Variants in MED12L observed in about 807,000 individuals in gnomAD.
The protein encoded by MED12L is mediator of RNA polymerase II transcription subunit 12-like protein.
Under a neutral mutation model 281.3 loss-of-function variants are expected in MED12L, and 60 were observed. The ratio of observed to expected loss-of-function variants is 0.21; its 90% CI spans 0.17 to 0.26. MED12L has a LOEUF of 0.26. Ranked by LOEUF, MED12L falls within the 10% of genes least tolerant of loss-of-function variation. The probability of loss-of-function intolerance (pLI) is 1.00; values close to 1 mark genes in which losing one functional copy is unlikely to be tolerated. For synonymous variants in MED12L, 974 were observed against 987.2 expected (o/e 0.99, Z 0.25); for missense variants, 2,146 against 2,680.9 (o/e 0.80, Z 4.41).
rs766967153 is a variant in MED12L at position 151,411,447 on chromosome 3, C to T, written c.6080C>T (p.Pro2027Leu). 3.7e-6 allele frequency: 6 copies of T among 1,614,044 alleles called. No individual in the cohort carries two copies. Among genetic ancestry groups the T allele is most frequent in the Admixed American group, 1.7e-5 (1 of 59,996 alleles). ...MERLRQIQQQ[P>L]SGYVQQQASP... ...AGACTCAGACAGATTCAGCAGCAGC[C>T]GAGTGGCTATGTTCAGCAGCAGGCC... The change falls in exon 41 of 45, where the codon CCG becomes CTG. Residue 2027 changes from proline (P) to leucine (L), a missense_variant. Physicochemically the swap from Pro to Leu is moderately conservative, Grantham distance 98. Around this residue, in one of 9 missense-constraint regions of MED12L, gnomAD observed 496 missense variants for 512.0 expected, o/e 0.97. Transcript: ENST00000687756.
At chr3:151,397,607 G>A (rs2108274353) in intron 39 of MED12L, among the ~76,000 whole-genome samples, 1 of 152,228 alleles carries the variant, frequency 6.6e-6, no homozygotes, top group Middle Eastern at 3.4e-3. Context: ...AGAATTATAT[G>A]GAATGTAAGC....
rs1559884589 is a variant in MED12L at position 151,213,423 on chromosome 3, T to C, written c.2250+19757T>C. On this transcript the variant is annotated intron_variant, in intron 16 of 44. Coordinates refer to ENST00000687756, the MANE Select transcript of MED12L (RefSeq NM_001393769.1). The stretch of plus-strand genomic sequence containing the variant: ...ATAAGATTTCCCTAAACGGCTGGCA[T>C]AGAAAGAAATAAATAATAGGGTCCA... 8.7e-6 allele frequency: 14 copies of C among 1,614,158 alleles called. No individual in the cohort carries two copies. In the Middle Eastern group the frequency reaches 4.9e-4, roughly 57 times the overall value.
intron 12 of MED12L, 178 bp from the exon 13 acceptor site, chr3:151,188,176 C>T: frequency 2.2e-6 from 1 of 461,676 alleles, no homozygotes; most frequent in South Asian, 3.6e-5. Flanking sequence ...CTGGTTAGTA[C>T]TTGGATGGAG....
intron 16 of MED12L, among the ~76,000 whole-genome samples, chr3:151,258,422 T>TA (rs879809840): frequency 2.0e-5 from 3 of 152,176 alleles, no homozygotes; most frequent in South Asian, 2.1e-4. Context: ...AAGAATAAAA[T>TA]AAAAAGACTG....
chr3:151,294,485 AT>A, intron 16 of MED12L: 1 of 1,614,214 alleles, frequency 6.2e-7, no homozygotes, highest in Non-Finnish European at 8.5e-7. Flanking sequence ...AACAACCCTG[AT>A]GCTCTGGTTA....
At chr3:151,103,707 G>C (rs2079764009) in intron 2 of MED12L, among the ~76,000 whole-genome samples, 1 of 152,184 alleles carries the variant, frequency 6.6e-6, no homozygotes, top group Non-Finnish European at 1.5e-5. Flanking sequence ...CTTTACAGTA[G>C]ACATGTGAGG....
At chr3:151,105,088 C>A (rs1721838784) in intron 2 of MED12L, among the ~76,000 whole-genome samples, 1 of 152,206 alleles carries the variant, frequency 6.6e-6, no homozygotes, top group South Asian at 2.1e-4. Context: ...GCTCCAGGGG[C>A]TGTCTCCAGA....
rs1317917642 is a variant in MED12L at position 151,327,392 on chromosome 3, C to G, written c.2251-22667C>G. On this transcript the variant is annotated intron_variant, in intron 16 of 44. Coordinates refer to ENST00000687756, the MANE Select transcript of MED12L (RefSeq NM_001393769.1). ...AAGTGGCTTAATAATGGTGCTTGTG[C>G]CTCCTATGGTATATTATTGTAATGT... is the stretch of plus-strand genomic sequence containing the variant. 23 of 152,120 alleles carry G rather than the reference C, an allele frequency of 1.5e-4. 1 individual carries two copies. The highest frequency in any genetic ancestry group is 1.5e-3 in the Admixed American group (23 of 15,264). 9.4% of individuals were successfully genotyped at this position (152,120 alleles called of 1,614,324 possible).
chr3:151,331,770 A>G (rs1487975259), intron 16 of MED12L, among the ~76,000 whole-genome samples: 1 of 152,182 alleles, frequency 6.6e-6, no homozygotes, highest in South Asian at 2.1e-4. Flanking sequence ...TTAAGTGATT[A>G]TATTATCTTA....
chr3:151,303,814 G>A (rs1250498038), intron 16 of MED12L, among the ~76,000 whole-genome samples: 3 of 152,136 alleles, frequency 2.0e-5, no homozygotes, highest in Non-Finnish European at 4.4e-5. Flanking sequence ...AGTGAGAATA[G>A]CAGAGAGCTA....
intron 38 of MED12L, among the ~76,000 whole-genome samples, chr3:151,393,504 CAA>C (rs1460178874): frequency 6.6e-6 from 1 of 150,698 alleles, no homozygotes; most frequent in Non-Finnish European, 1.5e-5. Context: ...TGCTCCCCCA[CAA>C]CCCCCCCTCC....
chr3:151,392,391 A>G (rs1362108073), intron 38 of MED12L, among the ~76,000 whole-genome samples: 1 of 148,616 alleles, frequency 6.7e-6, no homozygotes, highest in Non-Finnish European at 1.5e-5. Context: ...ACTTGAACCT[A>G]GGAGGCAAAG....
chr3:151,283,944 G>A (rs1408392160), intron 16 of MED12L, among the ~76,000 whole-genome samples: 3 of 152,166 alleles, frequency 2.0e-5, no homozygotes, highest in Non-Finnish European at 4.4e-5. Flanking sequence ...CTAAGAGGAT[G>A]ACACGCCGCT....
At chr3:151,354,203 C>T (rs1326414893) in intron 17 of MED12L, among the ~76,000 whole-genome samples, 1 of 148,208 alleles carries the variant, frequency 6.7e-6, no homozygotes, top group East Asian at 2.0e-4. Context: ...AATCATATAT[C>T]CAACTTTTCC....
At chr3:151,224,842 C>T (rs1182430329) in intron 16 of MED12L, among the ~76,000 whole-genome samples, 1 of 152,140 alleles carries the variant, frequency 6.6e-6, no homozygotes, top group Non-Finnish European at 1.5e-5. Context: ...TTGAAATCTG[C>T]TGTTTATATA....
intron 41 of MED12L, among the ~76,000 whole-genome samples, chr3:151,412,775 G>A (rs113855457): frequency 2.0e-5 from 3 of 152,270 alleles, no homozygotes; most frequent in Admixed American, 6.5e-5. Flanking sequence ...TAGGGATAAC[G>A]AAACTGCTGA....
intron 40 of MED12L, 131 bp downstream of exon 40, chr3:151,409,463 T>C: frequency 1.4e-6 from 1 of 737,702 alleles, no homozygotes; most frequent in East Asian, 2.8e-5. Context: ...ACTTATAGAT[T>C]ATAATTGATA....
chr3:151,250,416 C>T (rs1736610474), intron 16 of MED12L, among the ~76,000 whole-genome samples: 2 of 152,150 alleles, frequency 1.3e-5, no homozygotes, highest in African/African-American at 4.8e-5. Context: ...AATTCTGTAC[C>T]CATTAAATAA....
At chr3:151,258,493 G>A (rs1738248076) in intron 16 of MED12L, among the ~76,000 whole-genome samples, 1 of 152,138 alleles carries the variant, frequency 6.6e-6, no homozygotes, top group African/African-American at 2.4e-5. Flanking sequence ...CCTTGCAACA[G>A]AACAATGAGA....
Sources: gnomAD v4.1 joint callset for allele counts (sites outside exome capture counted in the v4.1 genomes callset) on GRCh38, gnomAD v4.1.1 for gene constraint, gnomAD v4.1.1 regional missense constraint, MANE v1.5 for transcripts, NCBI Gene and HGNC (gene_info 2026-07-23, HGNC 2026-07-21) for gene names.